CPQ: variants seen among roughly 807,000 people sequenced by gnomAD.
CPQ encodes Ser-Met dipeptidase.
A neutral mutation model predicts 45.7 loss-of-function variants in CPQ; 37 were observed. The observed-to-expected ratio is 0.81, with a 90% CI of 0.62 to 1.07. CPQ has a LOEUF of 1.07. CPQ is among the 50% of genes least tolerant of loss of function. CPQ has a pLI of 0.00. For missense variants in CPQ, 537 were observed against 572.9 expected (o/e 0.94, Z 0.64); for synonymous variants, 186 against 205.8 (o/e 0.90, Z 0.82).
chr8:97,028,439 A>C (rs1303682955), intron 5 of CPQ, among the ~76,000 whole-genome samples: 1 of 152,176 alleles, frequency 6.6e-6, no homozygotes, highest in African/African-American at 2.4e-5. Flanking sequence ...GTCCATTTTA[A>C]CCCTTCCCTA....
At chr8:96,898,638 AG>A (rs1812473494) in intron 4 of CPQ, among the ~76,000 whole-genome samples, 1 of 47,680 alleles carries the variant, frequency 2.1e-5, no homozygotes, top group Non-Finnish European at 3.9e-5. Flanking sequence ...GGGTCGGGGG[AG>A]GGGGGAGGGA....
intron 6 of CPQ, among the ~76,000 whole-genome samples, chr8:97,033,878 T>A (rs1337927568): frequency 2.0e-5 from 3 of 152,160 alleles, no homozygotes; most frequent in African/African-American, 7.2e-5. Flanking sequence ...AGTAAATATA[T>A]CTTTGTTTAC....
intron 3 of CPQ, among the ~76,000 whole-genome samples, chr8:96,839,912 G>A (rs775927989): frequency 6.6e-6 from 1 of 152,140 alleles, no homozygotes; most frequent in Non-Finnish European, 1.5e-5. Context: ...TACTGTATTG[G>A]TATCTCTTTT....
chr8:97,130,177 A>T (rs1001221671), intron 7 of CPQ, among the ~76,000 whole-genome samples: 1 of 152,198 alleles, frequency 6.6e-6, no homozygotes, highest in Admixed American at 6.5e-5. Context: ...TTAGTAAAGG[A>T]CAGCACGCTT....
chr8:97,134,691 G>A (rs1812018947), intron 7 of CPQ, among the ~76,000 whole-genome samples: 1 of 152,192 alleles, frequency 6.6e-6, no homozygotes, highest in Non-Finnish European at 1.5e-5. Context: ...CCGAGATAGG[G>A]CAGTGAAGAA....
intron 4 of CPQ, among the ~76,000 whole-genome samples, chr8:96,953,616 C>T (rs72664535): frequency 0.013 from 1,976 of 152,062 alleles, 19 homozygotes; most frequent in Middle Eastern, 0.024. Flanking sequence ...GTGTCCTGGA[C>T]GGAAACAAAA....
At chr8:97,110,789 T>C (rs1205323712) in intron 7 of CPQ, among the ~76,000 whole-genome samples, 1 of 152,172 alleles carries the variant, frequency 6.6e-6, no homozygotes, top group Non-Finnish European at 1.5e-5. Context: ...TCTAAATTTG[T>C]ACAGAATAGG....
In CPQ at chr8:97,066,218, C is replaced by G; in HGVS notation, c.1255+8C>G. 6.2e-7 allele frequency: 1 copy of G among 1,604,978 alleles called. No homozygotes were observed. Among genetic ancestry groups the G allele is most frequent in the Non-Finnish European group, 8.5e-7 (1 of 1,177,200 alleles). On this transcript the variant is annotated splice_region_variant and intron_variant, in intron 7 of 7. Transcript: ENST00000220763. ...TCCAAGCTGGAGTGCCTGGTAAGAC[C>G]AAAAGATGAAGTTGTGTTCCTTATA...
intron 1 of CPQ, among the ~76,000 whole-genome samples, chr8:96,732,608 G>GA (rs1049635898): frequency 6.7e-6 from 1 of 150,124 alleles, no homozygotes; most frequent in African/African-American, 2.4e-5. Context: ...TAATAGATGA[G>GA]AAAAAAAATT....
chr8:96,663,872 G>T (rs1373944833), intron 1 of CPQ, among the ~76,000 whole-genome samples: 1 of 152,078 alleles, frequency 6.6e-6, no homozygotes, highest in Admixed American at 6.6e-5. Context: ...CATAAAGGAA[G>T]TGAGGAAGGC....
intron 5 of CPQ, among the ~76,000 whole-genome samples, chr8:97,019,303 C>T (rs1398440196): frequency 6.6e-6 from 1 of 151,904 alleles, no homozygotes; most frequent in East Asian, 1.9e-4. Context: ...CACAAAAATA[C>T]AATTTAAAAA....
intron 6 of CPQ, among the ~76,000 whole-genome samples, chr8:97,061,077 G>A (rs574305775): frequency 3.3e-5 from 5 of 152,160 alleles, no homozygotes; most frequent in South Asian, 2.1e-4. Flanking sequence ...ACAATAAAAC[G>A]CTGCCATCAT....
chr8:96,721,129 C>A (rs1208563188), intron 1 of CPQ, among the ~76,000 whole-genome samples: 1 of 152,078 alleles, frequency 6.6e-6, no homozygotes, highest in African/African-American at 2.4e-5. Flanking sequence ...TTGCAGGGGG[C>A]TCCTACACGG....
intron 1 of CPQ, among the ~76,000 whole-genome samples, chr8:96,682,169 G>C (rs2464486): frequency 0.71 from 107,681 of 151,916 alleles, 38,587 homozygotes; most frequent in Middle Eastern, 0.82. Context: ...GAGGGGCCAG[G>C]GCAGAATGAT....
chr8:96,847,006 C>T (rs994337178), intron 3 of CPQ, among the ~76,000 whole-genome samples: 2 of 152,160 alleles, frequency 1.3e-5, no homozygotes, highest in Admixed American at 6.5e-5. Flanking sequence ...ATTAGATTCA[C>T]GTTAAATATA....
At chr8:96,648,051 A>C (rs541299300) in intron 1 of CPQ, among the ~76,000 whole-genome samples, 2 of 152,350 alleles carry the variant, frequency 1.3e-5, no homozygotes, top group Non-Finnish European at 2.9e-5. Flanking sequence ...AGAGACAAGA[A>C]TGCAGGATGG....
At chr8:96,769,638 T>TC (rs1013689516) in intron 1 of CPQ, among the ~76,000 whole-genome samples, 5 of 150,346 alleles carry the variant, frequency 3.3e-5, no homozygotes, top group African/African-American at 1.2e-4. Flanking sequence ...TTTTTTTTTT[T>TC]TTTTTTTTTT....
intron 4 of CPQ, among the ~76,000 whole-genome samples, chr8:96,933,843 C>A (rs1813009123): frequency 1.3e-5 from 2 of 152,132 alleles, no homozygotes; most frequent in Non-Finnish European, 2.9e-5. Context: ...ACCAGATAGT[C>A]CGGTTTCAAA....
At chr8:97,071,646 C>A (rs1486143299) in intron 7 of CPQ, among the ~76,000 whole-genome samples, 3 of 152,194 alleles carry the variant, frequency 2.0e-5, no homozygotes, top group Non-Finnish European at 4.4e-5. Flanking sequence ...TGTTTTTAAT[C>A]TTCTTTCACC....
Sources: gnomAD v4.1 joint callset for allele counts (sites outside exome capture counted in the v4.1 genomes callset) on GRCh38, gnomAD v4.1.1 for gene constraint, MANE v1.5 for transcripts, NCBI Gene and HGNC (gene_info 2026-07-23, HGNC 2026-07-21) for gene names.